Variants in NEBL observed in about 807,000 individuals in gnomAD.
NEBL encodes the protein LIM and SH3 protein 2.
NEBL carries 122 observed loss-of-function variants against 140.2 expected under a neutral mutation model. That is an observed-to-expected ratio of 0.87 (90% CI 0.75 to 1.01). NEBL has a LOEUF of 1.01. NEBL is among the 50% of genes least tolerant of loss of function. The probability of loss-of-function intolerance (pLI) is 0.00; values close to 1 mark genes in which losing one functional copy is unlikely to be tolerated. For missense variants in NEBL, 1,365 were observed against 1,231.3 expected (o/e 1.11, Z -1.62); for synonymous variants, 436 against 398.9 (o/e 1.09, Z -1.11).
intron 2 of NEBL, among the ~76,000 whole-genome samples, chr10:21,169,916 T>A (rs544014727): frequency 6.6e-6 from 1 of 152,224 alleles, no homozygotes; most frequent in Admixed American, 6.5e-5. Context: ...TTAAGACCTA[T>A]GAAACAAAAC....
Position 21,173,740 on chromosome 10 carries a change from G to C in NEBL, c.69+25C>G. 1 of 1,611,604 alleles carries C rather than the reference G, an allele frequency of 6.2e-7. No individual in the cohort carries two copies. Among genetic ancestry groups the C allele is most frequent in the Non-Finnish European group, 8.5e-7 (1 of 1,179,512 alleles). ...GCAGCCCCTCGCCCGGCAGGTCCAG[G>C]CTGGCCCGGCGCCCCCTCGCTCACC... On this transcript the variant is annotated intron_variant, in intron 1 of 6. Coordinates refer to the NEBL transcript ENST00000417816. The surrounding 1 kb of genome is among the most constrained non-coding windows in gnomAD (Gnocchi z 5.7).
At chr10:21,036,585 G>A (rs962476712) in intron 2 of NEBL, among the ~76,000 whole-genome samples, 2 of 152,160 alleles carry the variant, frequency 1.3e-5, no homozygotes, top group Non-Finnish European at 2.9e-5. Flanking sequence ...ATATCAGACA[G>A]ATAGGGGCTC....
At chr10:21,269,555 T>G (rs1453211401) in intron 1 of NEBL, among the ~76,000 whole-genome samples, 16 of 152,238 alleles carry the variant, frequency 1.1e-4, no homozygotes, top group Admixed American at 1.0e-3. Context: ...GTTAGAACTA[T>G]GCAGCAGCAT....
chr10:21,288,834 ATATATATATATATAT>A (rs1297140015), intron 1 of NEBL, among the ~76,000 whole-genome samples: 1 of 81,990 alleles, frequency 1.2e-5, no homozygotes, highest in African/African-American at 4.7e-5. Context: ...ATATATATAT[ATATATATATATATAT>A]AAAAATTTTT....
intron 20 of NEBL, among the ~76,000 whole-genome samples, chr10:20,817,911 C>T (rs943735080): frequency 3.3e-5 from 5 of 152,176 alleles, no homozygotes; most frequent in African/African-American, 7.2e-5. Context: ...TCAATAAATG[C>T]TTTCCTCTTC....
intron 2 of NEBL, chr10:21,070,072 A>C (rs1375157374): frequency 2.2e-6 from 1 of 453,758 alleles, no homozygotes; most frequent in Admixed American, 2.4e-5. Context: ...CGGGACAGGA[A>C]GGAAAGAATA....
At chr10:20,790,290 G>A (rs1294987514) in intron 26 of NEBL, among the ~76,000 whole-genome samples, 1 of 151,952 alleles carries the variant, frequency 6.6e-6, no homozygotes, top group Non-Finnish European at 1.5e-5. Flanking sequence ...CAATAAAAGA[G>A]TTTTTAGGGA....
In NEBL at chr10:20,779,996, G is replaced by C. The variant is rs903751285; in HGVS notation, c.*5751C>G. 3 of 152,082 alleles carry C rather than the reference G, an allele frequency of 2.0e-5. No individual in the cohort carries two copies. The highest frequency in any genetic ancestry group is 4.4e-5 in the Non-Finnish European group (3 of 68,018). The allele number at this position is 152,082 out of a possible 1,614,324, so 9.4% of individuals were successfully genotyped here. ...TATTTGGAAGAAGTGTTTATTCTACGAGCAGATGTCATCCGCAAAGTTTAT... is the reference window on the plus strand; with the variant it reads ...TATTTGGAAGAAGTGTTTATTCTACCAGCAGATGTCATCCGCAAAGTTTAT... On this transcript the variant is annotated 3_prime_UTR_variant, in exon 28 of 28. Transcript: ENST00000377122.
At chr10:20,931,900 T>C (rs748901090) in intron 4 of NEBL, among the ~76,000 whole-genome samples, 1 of 152,184 alleles carries the variant, frequency 6.6e-6, no homozygotes, top group Non-Finnish European at 1.5e-5. Context: ...AATAAAGAAA[T>C]CAAACATTTC....
chr10:20,848,873 G>A (rs141569654), intron 11 of NEBL, among the ~76,000 whole-genome samples: 25 of 152,274 alleles, frequency 1.6e-4, no homozygotes, highest in African/African-American at 5.3e-4. Flanking sequence ...AAACAATTTT[G>A]TCTATTCAGT....
intron 2 of NEBL, among the ~76,000 whole-genome samples, chr10:21,067,932 C>T (rs1032365195): frequency 6.6e-6 from 1 of 152,068 alleles, no homozygotes; most frequent in African/African-American, 2.4e-5. Flanking sequence ...TGAGCCGTGA[C>T]TGCACCATGC....
chr10:21,068,957 C>T lies in NEBL; in HGVS notation c.165-48756G>A, dbSNP rs148130222. 2.0e-4 allele frequency among the ~76,000 whole-genome samples: 30 copies of T among 152,292 alleles called. No homozygotes were observed. The East Asian group carries it at 5.4e-3, about 27-fold the overall frequency. On this transcript the variant is annotated intron_variant, in intron 2 of 6. Transcript: ENST00000417816. The stretch of plus-strand genomic sequence containing the variant: ...CTACAGTGTACAAGTGGCAAGATCA[C>T]GGCTCACTGCAGACTCAAACTCCTG...
chr10:20,814,364 G>T (rs1838487616), intron 22 of NEBL, among the ~76,000 whole-genome samples: 1 of 151,886 alleles, frequency 6.6e-6, no homozygotes. Context: ...GGAAAGCTAA[G>T]GTGGGAGGAT....
intron 3 of NEBL, among the ~76,000 whole-genome samples, chr10:21,226,679 C>T (rs1348320676): frequency 1.3e-5 from 2 of 152,194 alleles, no homozygotes; most frequent in African/African-American, 4.8e-5. Flanking sequence ...CCAAATCCCA[C>T]AATCACTTTA....
chr10:21,125,767 G>A, intron 2 of NEBL: 1 of 1,322,894 alleles, frequency 7.6e-7, no homozygotes, highest in East Asian at 2.3e-5. Context: ...CAGAACTCAG[G>A]CTCATTTAAA....
intron 25 of NEBL, among the ~76,000 whole-genome samples, chr10:20,809,297 T>C (rs1030244021): frequency 6.6e-6 from 1 of 152,190 alleles, no homozygotes; most frequent in African/African-American, 2.4e-5. Flanking sequence ...GAACTTGCAA[T>C]CTAAGTTAAA....
At chr10:21,213,956 G>A (rs1841952640) in intron 3 of NEBL, among the ~76,000 whole-genome samples, 1 of 152,080 alleles carries the variant, frequency 6.6e-6, no homozygotes, top group East Asian at 1.9e-4. Flanking sequence ...GGACTTTTAT[G>A]TAAGTATCGG....
intron 4 of NEBL, among the ~76,000 whole-genome samples, chr10:20,936,530 G>C (rs1490603345): frequency 6.6e-6 from 1 of 152,180 alleles, no homozygotes; most frequent in African/African-American, 2.4e-5. Context: ...AACTATGTCT[G>C]TTCCCCACTT....
At chr10:21,058,470 A>C (rs1418510987) in intron 2 of NEBL, among the ~76,000 whole-genome samples, 3 of 152,244 alleles carry the variant, frequency 2.0e-5, no homozygotes, top group Admixed American at 2.0e-4. Context: ...TATGGAGAAA[A>C]AAAGGAAAGA....
Sources: allele counts gnomAD v4.1 joint callset (sites outside exome capture counted in the v4.1 genomes callset), GRCh38; gene constraint gnomAD v4.1.1; non-coding constraint Gnocchi (gnomAD v3.1); transcripts MANE v1.5; gene names NCBI Gene and HGNC (gene_info 2026-07-23, HGNC 2026-07-21).